OCA2: variants seen among roughly 807,000 people sequenced by gnomAD.
OCA2 encodes P protein.
A neutral mutation model predicts 100.2 loss-of-function variants in OCA2; 77 were observed. That is an observed-to-expected ratio of 0.77 (90% CI 0.64 to 0.93). The LOEUF is 0.93. OCA2 is among the 40% of genes least tolerant of loss of function. The pLI is 0.00. For synonymous variants in OCA2, 432 were observed against 439.2 expected, an observed-to-expected ratio of 0.98 and a Z score of 0.21; for missense variants, 1,062 against 1,089.1, an observed-to-expected ratio of 0.98 and a Z score of 0.35.
At chr15:27,961,956 A>G (rs1259893894) in intron 15 of OCA2, among the ~76,000 whole-genome samples, 1 of 152,128 alleles carries the variant, frequency 6.6e-6, no homozygotes, top group African/African-American at 2.4e-5. Flanking sequence ...ATTGAGAAAT[A>G]AAATAAAATA....
At chr15:27,805,762 T>C (rs2033815482) in intron 23 of OCA2, among the ~76,000 whole-genome samples, 1 of 151,958 alleles carries the variant, frequency 6.6e-6, no homozygotes. Context: ...GAGAAGACCC[T>C]CCGCGCCCCC....
At chr15:28,051,626 A>G (rs1327421536) in intron 2 of OCA2, among the ~76,000 whole-genome samples, 2 of 116,788 alleles carry the variant, frequency 1.7e-5, no homozygotes, top group Admixed American at 9.8e-5. Context: ...TTTTTTTAAT[A>G]GACACAGGTC....
At chr15:27,729,150 C>G in the OCA2 span, among the ~76,000 whole-genome samples, 1 of 152,166 alleles carries the variant, frequency 6.6e-6, no homozygotes, top group South Asian at 2.1e-4. Context: ...TGCATCCTCA[C>G]CAGCAGTGTT....
intron 18 of OCA2, 96 bp downstream of exon 18, chr15:27,951,688 C>T: frequency 1.1e-6 from 1 of 910,258 alleles, no homozygotes; most frequent in Non-Finnish European, 1.8e-6. Context: ...ACCAGCCCGG[C>T]TGCCTGTGGG....
At chr15:27,861,832 G>C (rs369760944) in intron 21 of OCA2, among the ~76,000 whole-genome samples, 6 of 152,108 alleles carry the variant, frequency 3.9e-5, no homozygotes, top group Non-Finnish European at 8.8e-5. Flanking sequence ...CTGGAGACAC[G>C]GCAGCAAGTC....
intron 15 of OCA2, among the ~76,000 whole-genome samples, chr15:27,958,024 G>A (rs2040288470): frequency 6.6e-6 from 1 of 152,154 alleles, no homozygotes; most frequent in Admixed American, 6.5e-5. Context: ...ACATAGCAAG[G>A]GGAACATCAC....
chr15:27,821,550 C>T (rs2034502739), intron 23 of OCA2, among the ~76,000 whole-genome samples: 1 of 152,102 alleles, frequency 6.6e-6, no homozygotes, highest in South Asian at 2.1e-4. Context: ...CACATACATG[C>T]ACACATTCAC....
At chr15:28,084,829 A>G (rs1448339917) in intron 1 of OCA2, among the ~76,000 whole-genome samples, 1 of 152,274 alleles carries the variant, frequency 6.6e-6, no homozygotes, top group South Asian at 2.1e-4. Flanking sequence ...CATCCTCACC[A>G]TGTGGGCTCC....
chr15:27,800,317 A>G (rs1426212354), intron 23 of OCA2, among the ~76,000 whole-genome samples: 1 of 152,172 alleles, frequency 6.6e-6, no homozygotes, highest in Non-Finnish European at 1.5e-5. Context: ...GAAAAAAAGT[A>G]AGTAAGCAGA....
At chr15:27,858,312 T>C (rs2036012711) in intron 21 of OCA2, among the ~76,000 whole-genome samples, 2 of 147,904 alleles carry the variant, frequency 1.4e-5, no homozygotes, top group African/African-American at 2.5e-5. Context: ...AGGCAGAGGT[T>C]GCAGTGAGCC....
chr15:28,055,373 CTCG>C (rs1300964961), intron 2 of OCA2, among the ~76,000 whole-genome samples: 2 of 152,164 alleles, frequency 1.3e-5, no homozygotes, highest in African/African-American at 4.8e-5. Flanking sequence ...CAAAAGAAGC[CTCG>C]TCAAGTTGTA....
chr15:27,801,550 CAAAAAA>C (rs34636608), intron 23 of OCA2, among the ~76,000 whole-genome samples: 3 of 37,828 alleles, frequency 7.9e-5, no homozygotes, highest in East Asian at 4.5e-4. Context: ...GACTCGGTCT[CAAAAAA>C]AAAAAAAAAA....
intron 23 of OCA2, among the ~76,000 whole-genome samples, chr15:27,819,306 C>G (rs1417479904): frequency 6.6e-6 from 1 of 152,118 alleles, no homozygotes; most frequent in African/African-American, 2.4e-5. Flanking sequence ...AAATATCATA[C>G]AGAGACAGAT....
intron 5 of OCA2, 70 bp downstream of exon 5, chr15:28,024,775 G>A (rs1341923793): frequency 6.6e-7 from 1 of 1,521,584 alleles, no homozygotes. Context: ...GGTTCCCCCT[G>A]CTATACAGCC....
intron 15 of OCA2, among the ~76,000 whole-genome samples, chr15:27,964,543 G>A (rs2040502791): frequency 6.6e-6 from 1 of 152,182 alleles, no homozygotes; most frequent in Non-Finnish European, 1.5e-5. Flanking sequence ...AGCCGCTCAG[G>A]ACTCTAAGAA....
chr15:27,745,191 C>T, the OCA2 span, among the ~76,000 whole-genome samples: 56 of 152,272 alleles, frequency 3.7e-4, no homozygotes, highest in East Asian at 7.2e-3. Context: ...ACTCCTTAGA[C>T]GGAGTCGGGC....
intron 21 of OCA2, among the ~76,000 whole-genome samples, chr15:27,854,235 T>G (rs2151424532): frequency 6.6e-6 from 1 of 152,336 alleles, no homozygotes; most frequent in African/African-American, 2.4e-5. Context: ...GCCTGGGCAC[T>G]GCTGCTGCCC....
intron 23 of OCA2, among the ~76,000 whole-genome samples, chr15:27,769,858 C>T (rs1490087508): frequency 1.4e-5 from 2 of 147,276 alleles, no homozygotes; most frequent in Non-Finnish European, 2.9e-5. Flanking sequence ...CTGCCCTCCC[C>T]AGCACCTCGG....
the OCA2 span, among the ~76,000 whole-genome samples, chr15:27,732,499 A>T: frequency 1.3e-5 from 2 of 152,154 alleles, no homozygotes; most frequent in African/African-American, 4.8e-5. Flanking sequence ...CCAGCAGAAG[A>T]CTTCACAGCT....
Sources: gnomAD v4.1 joint callset for allele counts (sites outside exome capture counted in the v4.1 genomes callset) on GRCh38, gnomAD v4.1.1 for gene constraint, MANE v1.5 for transcripts, NCBI Gene and HGNC (gene_info 2026-07-23, HGNC 2026-07-21) for gene names.